Variants in LRRC4C observed in about 807,000 individuals in gnomAD.
The protein encoded by LRRC4C is leucine rich repeat containing 4C.
Under a neutral mutation model 33.6 loss-of-function variants are expected in LRRC4C, and 5 were observed. The ratio of observed to expected loss-of-function variants is 0.15; its 90% confidence interval spans 0.08 to 0.31. The LOEUF is 0.31. Among genes scored for constraint, LRRC4C ranks in the 10% least tolerant of loss-of-function variants. LRRC4C has a pLI of 1.00. For synonymous variants in LRRC4C, 329 were observed against 302.0 expected (o/e 1.09, Z -0.93); for missense variants, 560 against 796.7 (o/e 0.70, Z 3.58).
intron 1 of LRRC4C, among the ~76,000 whole-genome samples, chr11:41,137,860 T>C (rs1481274266): frequency 1.3e-5 from 2 of 152,204 alleles, no homozygotes; most frequent in African/African-American, 2.4e-5. Context: ...GCAGAAATTA[T>C]GGCAAAAATT....
chr11:40,733,852 T>C (rs1307124459), intron 2 of LRRC4C, among the ~76,000 whole-genome samples: 3 of 152,210 alleles, frequency 2.0e-5, no homozygotes, highest in Non-Finnish European at 2.9e-5. Flanking sequence ...CAACAAGTGG[T>C]AAAATCCACT....
chr11:40,492,799 A>C (rs900941262), intron 3 of LRRC4C, among the ~76,000 whole-genome samples: 1 of 152,120 alleles, frequency 6.6e-6, no homozygotes, highest in African/African-American at 2.4e-5. Flanking sequence ...GTCTTTCTCT[A>C]TATATACAGA....
chr11:40,863,281 GGCT>G (rs1335717727), intron 2 of LRRC4C, among the ~76,000 whole-genome samples: 1 of 152,152 alleles, frequency 6.6e-6, no homozygotes, highest in Non-Finnish European at 1.5e-5. Context: ...CTCAGAAGGT[GGCT>G]GCCTTGGAAT....
At chr11:40,234,312 T>C (rs938640887) in intron 5 of LRRC4C, among the ~76,000 whole-genome samples, 6 of 152,332 alleles carry the variant, frequency 3.9e-5, no homozygotes, top group African/African-American at 1.4e-4. Flanking sequence ...TTCCAATTTA[T>C]AAGTAGTTAC....
At chr11:40,443,695 T>C (rs1006814466) in intron 3 of LRRC4C, among the ~76,000 whole-genome samples, 2 of 152,188 alleles carry the variant, frequency 1.3e-5, no homozygotes, top group Non-Finnish European at 2.9e-5. Context: ...GCATTCTTAA[T>C]GAACACCTGT....
chr11:40,180,039 A>T (rs944192992), intron 5 of LRRC4C, among the ~76,000 whole-genome samples: 3 of 152,232 alleles, frequency 2.0e-5, no homozygotes, highest in African/African-American at 7.2e-5. Flanking sequence ...AACTGTAACT[A>T]AATAAATAGA....
rs1418930197 is a variant in LRRC4C at position 41,325,578 on chromosome 11, TGTGTGTG to T, written c.-496+133846_-496+133852del. Among the ~76,000 whole-genome samples the T allele has an allele frequency of 2.0e-4, 13 of 63,416 alleles. 1 individual carries two copies. In the South Asian group the frequency reaches 3.2e-3, roughly 16 times the overall value. The allele number at this position is 63,416 out of a possible 152,430, so 41.6% of individuals were successfully genotyped here. On this transcript the variant is annotated intron_variant, in intron 1 of 6. Coordinates refer to ENST00000528697, the MANE Select transcript of LRRC4C (RefSeq NM_001258419.2). ...TATTGTCCTTATAGTTTTTTTTTTT[TGTGTGTG>T]TGTGTGTGTGTGTGTGTGTGTGTGT... is the stretch of plus-strand genomic sequence containing the variant.
At chr11:41,343,128 A>G (rs895286540) in intron 1 of LRRC4C, among the ~76,000 whole-genome samples, 8 of 152,186 alleles carry the variant, frequency 5.3e-5, no homozygotes, top group Non-Finnish European at 7.3e-5. Flanking sequence ...TCACTTACTT[A>G]TATCTGTATA....
chr11:40,454,381 T>C (rs1952037520), intron 3 of LRRC4C, among the ~76,000 whole-genome samples: 1 of 151,962 alleles, frequency 6.6e-6, no homozygotes, highest in Admixed American at 6.6e-5. Context: ...GGTAGTAAAC[T>C]TAGAGAATTT....
At chr11:40,856,767 A>C (rs1953804210) in intron 2 of LRRC4C, among the ~76,000 whole-genome samples, 4 of 152,150 alleles carry the variant, frequency 2.6e-5, no homozygotes, top group Admixed American at 2.6e-4. Context: ...ATCAAGACAA[A>C]CTTGTCTCCT....
intron 3 of LRRC4C, among the ~76,000 whole-genome samples, chr11:40,366,648 A>T (rs1216218423): frequency 6.6e-6 from 1 of 152,094 alleles, no homozygotes; most frequent in Non-Finnish European, 1.5e-5. Flanking sequence ...AGATAAATTT[A>T]AATGCTGTAT....
chr11:40,609,243 A>G (rs997158521), intron 3 of LRRC4C, among the ~76,000 whole-genome samples: 1 of 152,140 alleles, frequency 6.6e-6, no homozygotes. Context: ...AGGGAATAAA[A>G]GTAGAAATCA....
At chr11:40,448,006 G>A (rs1012074543) in intron 3 of LRRC4C, among the ~76,000 whole-genome samples, 5 of 151,928 alleles carry the variant, frequency 3.3e-5, no homozygotes, top group Admixed American at 6.6e-5. Context: ...TAGTAGAGGC[G>A]GGGTTTCACC....
chr11:41,218,334 A>C (rs1176466791), intron 1 of LRRC4C, among the ~76,000 whole-genome samples: 1 of 152,156 alleles, frequency 6.6e-6, no homozygotes, highest in Non-Finnish European at 1.5e-5. Context: ...ACTGGGGAAA[A>C]CTTTCCTGCT....
intron 2 of LRRC4C, among the ~76,000 whole-genome samples, chr11:40,924,600 T>C (rs1337781059): frequency 6.6e-6 from 1 of 152,068 alleles, no homozygotes; most frequent in Non-Finnish European, 1.5e-5. Context: ...GTAACTACAG[T>C]AAATAATTTG....
At chr11:41,222,700 C>A (rs572381244) in intron 1 of LRRC4C, 3 of 152,094 alleles carry the variant, frequency 2.0e-5, no homozygotes, top group African/African-American at 7.2e-5. Flanking sequence ...TGTAACCAGG[C>A]AGCTTATAAG....
intron 1 of LRRC4C, among the ~76,000 whole-genome samples, chr11:40,949,857 C>G (rs1958610985): frequency 6.6e-6 from 1 of 152,118 alleles, no homozygotes; most frequent in East Asian, 1.9e-4. Context: ...ATCAAATTCA[C>G]ACATAACAAT....
intron 2 of LRRC4C, among the ~76,000 whole-genome samples, chr11:40,886,802 C>T (rs559264159): frequency 5.3e-5 from 8 of 151,818 alleles, no homozygotes; most frequent in African/African-American, 1.9e-4. Context: ...TTTGCTCATG[C>T]ACTTTAGTAT....
At chr11:40,874,522 C>A (rs936118813) in intron 2 of LRRC4C, among the ~76,000 whole-genome samples, 2 of 152,134 alleles carry the variant, frequency 1.3e-5, no homozygotes, top group African/African-American at 4.8e-5. Flanking sequence ...TCACATCATG[C>A]CTCCCACTTT....
Sources: allele counts gnomAD v4.1 joint callset (sites outside exome capture counted in the v4.1 genomes callset), GRCh38; gene constraint gnomAD v4.1.1; transcripts MANE v1.5; gene names NCBI Gene and HGNC (gene_info 2026-07-23, HGNC 2026-07-21).